The following ERC2 variants were observed in gnomAD, a reference collection of about 807,000 sequenced individuals.
ERC2 encodes ELKS/RAB6-interacting/CAST family member 2.
Under a neutral mutation model 114.8 loss-of-function variants are expected in ERC2, and 42 were observed. The ratio of observed to expected loss-of-function variants is 0.37; its 90% CI spans 0.29 to 0.47. The LOEUF (loss-of-function observed/expected upper bound fraction) is 0.47, where lower values mean the gene tolerates loss of function less well. Ranked by LOEUF, ERC2 falls within the 20% of genes least tolerant of loss-of-function variation. The pLI, the probability that ERC2 is intolerant of heterozygous loss-of-function variation, is 0.99. For synonymous variants in ERC2, 454 were observed against 425.5 expected (o/e 1.07, Z -0.82); for missense variants, 939 against 1,150.7 (o/e 0.82, Z 2.66).
chr3:55,802,812 G>T (rs779735228), intron 14 of ERC2, among the ~76,000 whole-genome samples: 22 of 152,138 alleles, frequency 1.4e-4, no homozygotes, highest in Non-Finnish European at 2.9e-4. Context: ...CTTCTATGAA[G>T]ATGACACTAC....
chr3:56,191,825 A>G (rs961600118), intron 3 of ERC2, among the ~76,000 whole-genome samples: 3 of 151,804 alleles, frequency 2.0e-5, no homozygotes, highest in African/African-American at 7.3e-5. Flanking sequence ...TCAGTCATGA[A>G]CTCGGATGAA....
intron 14 of ERC2, among the ~76,000 whole-genome samples, chr3:55,834,092 G>GCC (rs1252413242): frequency 6.6e-6 from 1 of 150,520 alleles, no homozygotes; most frequent in Admixed American, 6.7e-5. Context: ...CAATACAGGA[G>GCC]CACCCAGATT....
chr3:55,985,651 G>T (rs1002009858), intron 12 of ERC2, among the ~76,000 whole-genome samples: 1 of 152,158 alleles, frequency 6.6e-6, no homozygotes, highest in Non-Finnish European at 1.5e-5. Flanking sequence ...ATGGCTCCAC[G>T]TTGTATCATC....
At chr3:55,945,936 A>G (rs11715867) in intron 13 of ERC2, among the ~76,000 whole-genome samples, 111,263 of 151,984 alleles carry the variant, frequency 0.73, 40,962 homozygotes, top group Admixed American at 0.79. Context: ...ATTGGCTTGT[A>G]CATTTTTTAG....
chr3:55,959,448 C>T (rs564807294), intron 12 of ERC2, among the ~76,000 whole-genome samples: 1 of 152,208 alleles, frequency 6.6e-6, no homozygotes, highest in Admixed American at 6.5e-5. Flanking sequence ...TGGGTGACTG[C>T]AGATGCCCTC....
At chr3:56,259,768 T>C (rs1025172753) in intron 3 of ERC2, among the ~76,000 whole-genome samples, 1 of 152,144 alleles carries the variant, frequency 6.6e-6, no homozygotes, top group Non-Finnish European at 1.5e-5. Flanking sequence ...GCCTTGCTTT[T>C]TCCATGTGGC....
chr3:55,893,318 C>T (rs1158648210), intron 13 of ERC2, among the ~76,000 whole-genome samples: 1 of 152,152 alleles, frequency 6.6e-6, no homozygotes, highest in Non-Finnish European at 1.5e-5. Context: ...CCTTGTGACT[C>T]CATCCTAGAG....
chr3:55,830,569 T>G (rs1348756361), intron 14 of ERC2, among the ~76,000 whole-genome samples: 2 of 152,224 alleles, frequency 1.3e-5, no homozygotes, highest in Non-Finnish European at 2.9e-5. Context: ...TTTCTCAATT[T>G]ACTTGAAGTA....
chr3:55,845,840 G>C (rs1357419725), intron 14 of ERC2, among the ~76,000 whole-genome samples: 1 of 152,186 alleles, frequency 6.6e-6, no homozygotes, highest in Non-Finnish European at 1.5e-5. Flanking sequence ...GTACACCAAA[G>C]GTTGTGCAAA....
intron 17 of ERC2, among the ~76,000 whole-genome samples, chr3:55,572,829 G>A (rs776248391): frequency 7.2e-5 from 11 of 152,178 alleles, no homozygotes. Flanking sequence ...ATTACAGTGA[G>A]GCAGTTGCCC....
chr3:55,831,019 A>G (rs1170131685), intron 14 of ERC2, among the ~76,000 whole-genome samples: 1 of 151,824 alleles, frequency 6.6e-6, no homozygotes, highest in African/African-American at 2.4e-5. Flanking sequence ...TAAAAATATT[A>G]AAATAAGGTA....
At chr3:55,518,544 T>C (rs1159878192) in intron 17 of ERC2, among the ~76,000 whole-genome samples, 2 of 152,354 alleles carry the variant, frequency 1.3e-5, no homozygotes, top group African/African-American at 4.8e-5. Context: ...TAGCATTCCT[T>C]CAGTGTCCCT....
At chr3:56,037,186 T>C (rs1180295644) in intron 7 of ERC2, among the ~76,000 whole-genome samples, 1 of 152,206 alleles carries the variant, frequency 6.6e-6, no homozygotes, top group African/African-American at 2.4e-5. Context: ...AACACAGAAC[T>C]GAACTGAGGC....
chr3:56,257,920 T>C (rs980018863), intron 3 of ERC2, among the ~76,000 whole-genome samples: 2 of 152,236 alleles, frequency 1.3e-5, no homozygotes, highest in Admixed American at 1.3e-4. Context: ...CAGTTCACAA[T>C]GGAGATAATT....
At position 56,018,932 on chromosome 3, in the gene ERC2, T is replaced by C. The variant is rs1334181863; in HGVS notation, c.1741A>G (p.Thr581Ala). Residue 581 changes from threonine (T) to alanine (A), a missense_variant, in exon 8 of 18, where the codon ACT (threonine) becomes GCT (alanine). Physicochemically the swap from Thr to Ala is moderately conservative, Grantham distance 58. Around this residue, in one of 5 missense-constraint regions of ERC2, gnomAD observed 149 missense variants for 254.6 expected, o/e 0.59. Transcript: ENST00000288221. ...GCTTCCTCTAGCGTCGCCAGTGCAG[T>C]ATCTGTATTACTGGAATCCGTCTGC... ...SLQTDSSNTD[T>A]ALATLEEALS... The C allele has an allele frequency of 6.2e-7, 1 of 1,613,202 alleles. No individual in the cohort carries two copies. The highest frequency in any genetic ancestry group is 2.2e-5 in the East Asian group (1 of 44,838).
chr3:55,840,737 G>A (rs9850057), intron 14 of ERC2, among the ~76,000 whole-genome samples: 8,984 of 152,020 alleles, frequency 0.059, 324 homozygotes, highest in South Asian at 0.16. Context: ...CCAAATGTGC[G>A]GCAACAAATG....
At chr3:55,932,885 A>G (rs141832049) in intron 13 of ERC2, among the ~76,000 whole-genome samples, 1 of 152,354 alleles carries the variant, frequency 6.6e-6, no homozygotes, top group East Asian at 1.9e-4. Context: ...AGGTCTGGCC[A>G]GCAAAAATGG....
At chr3:55,754,311 T>C (rs2066911732) in intron 14 of ERC2, among the ~76,000 whole-genome samples, 1 of 152,052 alleles carries the variant, frequency 6.6e-6, no homozygotes, top group Non-Finnish European at 1.5e-5. Flanking sequence ...TGCCACAGGC[T>C]TAAGCAGATG....
Position 55,620,514 on chromosome 3 carries a change from C to T in ERC2, c.*39+63280G>A, listed in dbSNP as rs552958742. Reference sequence around the variant, plus strand: ...GACTCTGCACATTCCGGAGAAGGATCGGCATAAACACATAGGTTTTCACCC... The same window carrying T: ...GACTCTGCACATTCCGGAGAAGGATTGGCATAAACACATAGGTTTTCACCC... On this transcript the variant is annotated intron_variant, in intron 17 of 17. Transcript: ENST00000288221. 3.9e-5 allele frequency among the ~76,000 whole-genome samples: 6 copies of T among 152,258 alleles called. No homozygotes were observed. In the East Asian group the frequency reaches 7.7e-4, roughly 20 times the overall value.
Sources: gnomAD v4.1 joint callset for allele counts (sites outside exome capture counted in the v4.1 genomes callset) on GRCh38, gnomAD v4.1.1 for gene constraint, gnomAD v4.1.1 regional missense constraint, MANE v1.5 for transcripts, NCBI Gene and HGNC (gene_info 2026-07-23, HGNC 2026-07-21) for gene names.